PKNOX2: variants seen among roughly 807,000 people sequenced by gnomAD.
The protein encoded by PKNOX2 is homeobox protein PKNOX2.
Under a neutral mutation model 53.1 loss-of-function variants are expected in PKNOX2, and 14 were observed. That is an observed-to-expected ratio of 0.26 (90% CI 0.17 to 0.41). The LOEUF (loss-of-function observed/expected upper bound fraction) is 0.41, where lower values mean the gene tolerates loss of function less well. PKNOX2 is among the 10% of genes least tolerant of loss of function. PKNOX2 has a pLI of 1.00. For missense variants in PKNOX2, 496 were observed against 602.8 expected (o/e 0.82, Z 1.85); for synonymous variants, 257 against 242.8 (o/e 1.06, Z -0.54).
chr11:125,392,527 C>G (rs2135423626), intron 6 of PKNOX2, among the ~76,000 whole-genome samples: 1 of 152,360 alleles, frequency 6.6e-6, no homozygotes, highest in African/African-American at 2.4e-5. Context: ...AATCCTTCAG[C>G]TGCACTTTAT....
chr11:125,421,651 G>A (rs1956179482), intron 10 of PKNOX2, among the ~76,000 whole-genome samples: 1 of 152,234 alleles, frequency 6.6e-6, no homozygotes, highest in African/African-American at 2.4e-5. Flanking sequence ...GTGGCCACGT[G>A]TTCAGCAGAA....
rs549455111 is a variant in PKNOX2 at position 125,383,943 on chromosome 11, AAAAACAAAAC to A, written c.228-1593_228-1584del. ...AAATGGGACTACATCAAAAAACAAA[AAAAACAAAAC>A]AAAACAAAACAAAAACCTACATTGC... On this transcript the variant is annotated intron_variant, in intron 5 of 12. Coordinates refer to ENST00000298282, the MANE Select transcript of PKNOX2 (RefSeq NM_001382323.2). Among the ~76,000 whole-genome samples, 8 of 152,198 alleles carry A rather than the reference AAAAACAAAAC, an allele frequency of 5.3e-5. No homozygotes were observed. The South Asian group carries it at 6.2e-4, about 12-fold the overall frequency.
intron 1 of PKNOX2, among the ~76,000 whole-genome samples, chr11:125,180,125 G>A (rs957514025): frequency 3.9e-5 from 6 of 152,116 alleles, no homozygotes; most frequent in Middle Eastern, 3.2e-3. Context: ...CCGGAACATC[G>A]TTCCCTGGAT....
chr11:125,273,609 T>C (rs1369403880), intron 2 of PKNOX2, among the ~76,000 whole-genome samples: 2 of 152,068 alleles, frequency 1.3e-5, no homozygotes, highest in African/African-American at 4.8e-5. Flanking sequence ...AAGTTGGAAG[T>C]GAGGGTAGGT....
At chr11:125,367,577 T>C (rs1952257538) in intron 4 of PKNOX2, among the ~76,000 whole-genome samples, 1 of 152,252 alleles carries the variant, frequency 6.6e-6, no homozygotes, top group Admixed American at 6.5e-5. Flanking sequence ...ATATTTGCAC[T>C]AAGAGTCATC....
At chr11:125,312,307 C>CA (rs1948857856) in intron 2 of PKNOX2, among the ~76,000 whole-genome samples, 1 of 152,022 alleles carries the variant, frequency 6.6e-6, no homozygotes, top group South Asian at 2.1e-4. Context: ...AGCTCACTAT[C>CA]AAAAAAATGC....
At chr11:125,238,817 AT>A (rs1217081869) in intron 2 of PKNOX2, among the ~76,000 whole-genome samples, 1 of 152,220 alleles carries the variant, frequency 6.6e-6, no homozygotes, top group African/African-American at 2.4e-5. Context: ...CATAAAGGTC[AT>A]TTAGATTTTC....
At chr11:125,196,458 C>A (rs975373154) in intron 1 of PKNOX2, among the ~76,000 whole-genome samples, 2 of 152,188 alleles carry the variant, frequency 1.3e-5, no homozygotes, top group East Asian at 1.9e-4. Context: ...TGGTTGGAAG[C>A]CTTTCCATCA....
intron 2 of PKNOX2, among the ~76,000 whole-genome samples, chr11:125,306,040 A>G (rs967793850): frequency 6.6e-6 from 1 of 151,996 alleles, no homozygotes; most frequent in East Asian, 1.9e-4. Flanking sequence ...AATCTCCTTA[A>G]GCCATTAGCC....
At chr11:125,245,921 T>A (rs1310848849) in intron 2 of PKNOX2, among the ~76,000 whole-genome samples, 1 of 152,112 alleles carries the variant, frequency 6.6e-6, no homozygotes, top group Non-Finnish European at 1.5e-5. Context: ...GTTTTGTTTT[T>A]AAGGGTGAGT....
intron 2 of PKNOX2, among the ~76,000 whole-genome samples, chr11:125,310,763 T>C (rs117643252): frequency 0.013 from 1,946 of 152,266 alleles, 32 homozygotes; most frequent in African/African-American, 0.034. Context: ...TGAGTTTATT[T>C]AAAGCTATGA....
chr11:125,276,666 G>T (rs759195207), intron 2 of PKNOX2, among the ~76,000 whole-genome samples: 1 of 152,182 alleles, frequency 6.6e-6, no homozygotes, highest in Non-Finnish European at 1.5e-5. Context: ...AACTGAGAGT[G>T]GGGTGGGGAG....
At chr11:125,174,194 T>C (rs1955531304) in intron 1 of PKNOX2, among the ~76,000 whole-genome samples, 1 of 152,146 alleles carries the variant, frequency 6.6e-6, no homozygotes, top group Non-Finnish European at 1.5e-5. Context: ...GAGAGTCAAG[T>C]GTATGCCCCG....
chr11:125,206,407 C>T (rs1359922900), intron 1 of PKNOX2, among the ~76,000 whole-genome samples: 1 of 151,962 alleles, frequency 6.6e-6, no homozygotes, highest in Non-Finnish European at 1.5e-5. Context: ...CATGAACCAG[C>T]GTGGTGTGTG....
intron 3 of PKNOX2, among the ~76,000 whole-genome samples, chr11:125,335,829 ACAAG>A (rs746013330): frequency 2.0e-5 from 3 of 151,976 alleles, no homozygotes; most frequent in Non-Finnish European, 2.9e-5. Flanking sequence ...TAAAAAACAA[ACAAG>A]CAAGCAAATA....
intron 1 of PKNOX2, among the ~76,000 whole-genome samples, chr11:125,191,763 T>C (rs1484726289): frequency 1.3e-5 from 2 of 152,192 alleles, no homozygotes; most frequent in Admixed American, 6.5e-5. Context: ...ACGTACTTGC[T>C]TTGGGTTGTG....
At chr11:125,191,001 T>C (rs1956844861) in intron 1 of PKNOX2, 1 of 152,268 alleles carries the variant, frequency 6.6e-6, no homozygotes, top group Non-Finnish European at 1.5e-5. Flanking sequence ...TGCAGGTTCC[T>C]GAGGACAGGA....
chr11:125,363,424 T>C (rs1396818048), intron 4 of PKNOX2, among the ~76,000 whole-genome samples: 1 of 152,212 alleles, frequency 6.6e-6, no homozygotes, highest in African/African-American at 2.4e-5. Flanking sequence ...CCAAAACACG[T>C]AGCTAATAAT....
At chr11:125,348,743 A>G (rs772354646) in intron 3 of PKNOX2, among the ~76,000 whole-genome samples, 3 of 152,240 alleles carry the variant, frequency 2.0e-5, no homozygotes, top group Non-Finnish European at 4.4e-5. Context: ...AATGTGAATG[A>G]AAGGCGCCTC....
Sources: allele counts gnomAD v4.1 joint callset (sites outside exome capture counted in the v4.1 genomes callset), GRCh38; gene constraint gnomAD v4.1.1; transcripts MANE v1.5; gene names NCBI Gene and HGNC (gene_info 2026-07-23, HGNC 2026-07-21).